Variants in ZMYM1 observed in about 807,000 individuals in gnomAD.
The protein encoded by ZMYM1 is zinc finger MYM-type containing 1, also known as zinc finger MYM-type protein 1.
A neutral mutation model predicts 60.0 loss-of-function variants in ZMYM1; 39 were observed. The ratio of observed to expected loss-of-function variants is 0.65; its 90% CI spans 0.50 to 0.85. ZMYM1 has a LOEUF of 0.85. Among genes scored for constraint, ZMYM1 ranks in the 40% least tolerant of loss-of-function variants. The pLI, the probability that ZMYM1 is intolerant of heterozygous loss-of-function variation, is 0.00. For missense variants in ZMYM1, 1,171 were observed against 1,309.5 expected (o/e 0.89, Z 1.63); for synonymous variants, 413 against 454.0 (o/e 0.91, Z 1.15).
At position 35,111,801 on chromosome 1, in the gene ZMYM1, TC is replaced by T; in HGVS notation, c.992del (p.Ser331Ter). On this transcript the variant is annotated frameshift_variant, in exon 8 of 10. Coordinates refer to ENST00000359858, the MANE Select transcript of ZMYM1 (RefSeq NM_024772.5). LOFTEE classifies it high-confidence loss of function. ...TGTTGTTTCTGTGGTGCATGATACT[TC>T]AACAGAGCTTCTTTCTCCAAAGAAA... ...VSVVSVVHDT[S>X]TELLSPKKDT... The T allele has an allele frequency of 6.2e-7, 1 of 1,605,566 alleles. No homozygotes were observed. The highest frequency in any genetic ancestry group is 8.5e-7 in the Non-Finnish European group (1 of 1,175,160).
chr1:35,104,512 G>A, intron 5 of ZMYM1, 43 bp downstream of exon 5: 2 of 1,611,674 alleles, frequency 1.2e-6, no homozygotes, highest in African/African-American at 1.3e-5. Context: ...TGATGATTCT[G>A]CTTAAATATC....
chr1:35,117,010 AT>A (rs1451281839), downstream of ZMYM1, among the ~76,000 whole-genome samples: 1 of 148,678 alleles, frequency 6.7e-6, no homozygotes, highest in Non-Finnish European at 1.5e-5. Context: ...TGCCCGGCTA[AT>A]TTTTTGTATT....
chr1:35,115,028 C>A lies in ZMYM1; in HGVS notation c.3198C>A (p.Leu1066=), dbSNP rs186293376. 8.1e-5 allele frequency: 130 copies of A among 1,613,986 alleles called. No individual in the cohort carries two copies. The African/African-American group carries it at 1.4e-3, about 17-fold the overall frequency. The change falls in exon 10 of 10, where the codon CTC becomes CTA. Residue 1066 remains leucine (L), a synonymous_variant. Coordinates refer to ENST00000359858, the MANE Select transcript of ZMYM1 (RefSeq NM_024772.5). ...GTCTTCACAGTAATATTCCTTGTCT[C>A]TCAAAGCTATTATATATTGCTTTGT... ...QHGLHSNIPC[L]SKLLYIALSW... is the part of the protein sequence containing the mutation.
At chr1:35,095,501 G>GAAAAAAAAAAAAAAAAAAAAAAAAA (rs60070624) in intron 2 of ZMYM1, among the ~76,000 whole-genome samples, 1 of 107,920 alleles carries the variant, frequency 9.3e-6, no homozygotes, top group Non-Finnish European at 2.1e-5. Context: ...AAAAAAAAAA[G>GAAAAAAAAAAAAAAAAAAAAAAAAA]AAAAAAAAAA....
rs1014908212 is a variant in ZMYM1, at chr1:35,115,845, G to C, written c.*586G>C. ...GCATGAGAGTGCCTATTAAATCTTTGTAAGTGTTATCAAATGTTTTGATCT... is the reference window on the plus strand; with the variant it reads ...GCATGAGAGTGCCTATTAAATCTTTCTAAGTGTTATCAAATGTTTTGATCT... On this transcript the variant is annotated 3_prime_UTR_variant, in exon 10 of 10. Coordinates refer to ENST00000359858, the MANE Select transcript of ZMYM1 (RefSeq NM_024772.5). 1.4e-5 allele frequency: 2 copies of C among 145,380 alleles called. No individual in the cohort carries two copies. Among genetic ancestry groups the C allele is most frequent in the African/African-American group, 5.7e-5 (2 of 35,012 alleles). The allele number at this position is 145,380 out of a possible 1,614,324, so 9.0% of individuals were successfully genotyped here. A position where few individuals can be genotyped will look rare whatever the true frequency, so the allele number is the denominator to read the frequency against.
chr1:35,069,254 C>CTGTCTTTT (rs1374186017), intron 1 of ZMYM1, among the ~76,000 whole-genome samples: 1 of 152,128 alleles, frequency 6.6e-6, no homozygotes, highest in Non-Finnish European at 1.5e-5. Flanking sequence ...TCATTGACAC[C>CTGTCTTTT]TGTCTTTTTG....
intron 1 of ZMYM1, among the ~76,000 whole-genome samples, chr1:35,084,287 G>T (rs1044450647): frequency 3.3e-5 from 5 of 151,548 alleles, no homozygotes; most frequent in Non-Finnish European, 7.4e-5. Context: ...CAATATCTGA[G>T]TCACCTGTGG....
At chr1:35,110,816 C>T (rs1391084971) in intron 7 of ZMYM1, among the ~76,000 whole-genome samples, 2 of 151,990 alleles carry the variant, frequency 1.3e-5, no homozygotes, top group African/African-American at 4.8e-5. Context: ...TCCCTGTAGT[C>T]CCAGCTACTT....
At chr1:35,105,172 T>C (rs1179625242) in intron 6 of ZMYM1, among the ~76,000 whole-genome samples, 1 of 147,678 alleles carries the variant, frequency 6.8e-6, no homozygotes, top group African/African-American at 2.5e-5. Context: ...TCTTCCTCTG[T>C]CACCCAGGCT....
At chr1:35,062,753 C>T (rs1641898860) in intron 1 of ZMYM1, among the ~76,000 whole-genome samples, 1 of 152,148 alleles carries the variant, frequency 6.6e-6, no homozygotes, top group Non-Finnish European at 1.5e-5. Context: ...TGATGGCTTA[C>T]AAAACGATGA....
At chr1:35,085,862 A>G (rs1186667887) in intron 1 of ZMYM1, among the ~76,000 whole-genome samples, 1 of 152,186 alleles carries the variant, frequency 6.6e-6, no homozygotes, top group Admixed American at 6.5e-5. Context: ...GGTCCTTGCT[A>G]AGAGTATGAA....
At chr1:35,096,521 C>T (rs1388352598) in intron 3 of ZMYM1, among the ~76,000 whole-genome samples, 2 of 149,968 alleles carry the variant, frequency 1.3e-5, no homozygotes, top group East Asian at 3.9e-4. Flanking sequence ...ACTTGGGAGG[C>T]TGAGGCGGGA....
At position 35,073,338 on chromosome 1, in the gene ZMYM1, A is replaced by AAAGGAAGGAAGGAAGGAAGGAAGG. The variant is rs71029062; in HGVS notation, c.-300-5641_-300-5618dup. 1.9e-3 allele frequency among the ~76,000 whole-genome samples: 218 copies of AAAGGAAGGAAGGAAGGAAGGAAGG among 115,766 alleles called. 1 individual carries two copies. Among genetic ancestry groups the AAAGGAAGGAAGGAAGGAAGGAAGG allele is most frequent in the South Asian group, 5.7e-3 (18 of 3,140 alleles). The allele number at this position is 115,766 out of a possible 152,430, so 75.9% of individuals were successfully genotyped here. ...GAAAAAAAGAAAGGGAGAAAGAAAG[A>AAAGGAAGGAAGGAAGGAAGGAAGG]AAGGAAGGAAGGAAGGAAGGAAGGA... On this transcript the variant is annotated intron_variant, in intron 1 of 10. Coordinates refer to the ZMYM1 transcript ENST00000417119.
chr1:35,078,874 T>G (rs913795961), upstream of ZMYM1: 1 of 152,066 alleles, frequency 6.6e-6, no homozygotes, highest in African/African-American at 2.4e-5. Context: ...TTTAACGTAC[T>G]AATGAAAGAA....
chr1:35,109,842 G>C (rs772430683), intron 6 of ZMYM1, among the ~76,000 whole-genome samples: 3 of 152,030 alleles, frequency 2.0e-5, no homozygotes, highest in Admixed American at 1.3e-4. Flanking sequence ...TGCCACCCAG[G>C]TTCAAGTGAT....
At position 35,113,689 on chromosome 1, in the gene ZMYM1, ATAT is replaced by A. The variant is rs1312117750; in HGVS notation, c.1863_1865del (p.Ile622del). On this transcript the variant is annotated inframe_deletion, in exon 10 of 10. Coordinates refer to ENST00000359858, the MANE Select transcript of ZMYM1 (RefSeq NM_024772.5). ...TATAACAGTACACAAATTCAAAGTG[ATAT>A]TATCGAAATAATAAAGACTGAAATG... The A allele has an allele frequency of 1.2e-6, 2 of 1,613,514 alleles. No individual in the cohort carries two copies. The highest frequency in any genetic ancestry group is 1.7e-5 in the Admixed American group (1 of 59,956).
At chr1:35,071,314 CATTT>C (rs113346365) in intron 1 of ZMYM1, among the ~76,000 whole-genome samples, 20,630 of 151,252 alleles carry the variant, frequency 0.14, 4,574 homozygotes, top group African/African-American at 0.47. Context: ...AGTTTGCTGC[CATTT>C]ATTTATTTAT....
At chr1:35,112,193 G>A in intron 9 of ZMYM1, 63 bp downstream of exon 9, 2 of 1,553,620 alleles carry the variant, frequency 1.3e-6, no homozygotes, top group Non-Finnish European at 1.8e-6. Flanking sequence ...TGTTGTTGTT[G>A]TTGAGACAGA....
At chr1:35,097,718 C>T in intron 4 of ZMYM1, 152 bp downstream of exon 4, 1 of 856,956 alleles carries the variant, frequency 1.2e-6, no homozygotes. Flanking sequence ...GATCTCGGCT[C>T]ACTGCAACTT....
Sources: gnomAD v4.1 joint callset for allele counts (sites outside exome capture counted in the v4.1 genomes callset) on GRCh38, gnomAD v4.1.1 for gene constraint, MANE v1.5 for transcripts, NCBI Gene and HGNC (gene_info 2026-07-23, HGNC 2026-07-21) for gene names.